The following PTPRD variants were observed in gnomAD, a reference collection of about 807,000 sequenced individuals.
The protein encoded by PTPRD is receptor-type tyrosine-protein phosphatase delta.
PTPRD carries 34 observed loss-of-function variants against 214.5 expected under a neutral mutation model. That is an observed-to-expected ratio of 0.16 (90% CI 0.12 to 0.21). The LOEUF (loss-of-function observed/expected upper bound fraction) is 0.21, where lower values mean the gene tolerates loss of function less well. Ranked by LOEUF, PTPRD falls within the 10% of genes least tolerant of loss-of-function variation. The pLI is 1.00. For missense variants in PTPRD, 2,545 were observed against 2,398.7 expected, an observed-to-expected ratio of 1.06 and a Z score of -1.27; for synonymous variants, 1,128 against 845.7, an observed-to-expected ratio of 1.33 and a Z score of -5.79.
chr9:9,198,241 A>C (rs1413387961), intron 9 of PTPRD, among the ~76,000 whole-genome samples: 1 of 152,098 alleles, frequency 6.6e-6, no homozygotes, highest in Non-Finnish European at 1.5e-5. Flanking sequence ...GGAGATTTTT[A>C]GGCTATAAAC....
intron 2 of PTPRD, among the ~76,000 whole-genome samples, chr9:10,459,636 T>C (rs907434239): frequency 6.6e-6 from 1 of 152,208 alleles, no homozygotes; most frequent in Non-Finnish European, 1.5e-5. Context: ...TTGATTTGCA[T>C]TTCTCTAACG....
intron 12 of PTPRD, among the ~76,000 whole-genome samples, chr9:8,703,490 C>G (rs2098134211): frequency 1.3e-5 from 2 of 152,278 alleles, no homozygotes; most frequent in East Asian, 1.9e-4. Context: ...ATGTTCAGAT[C>G]CATCAACAGC....
chr9:10,034,406 ACTTTTTTT>A (rs56905187), intron 3 of PTPRD, among the ~76,000 whole-genome samples: 13,057 of 103,226 alleles, frequency 0.13, 633 homozygotes, highest in African/African-American at 0.14. Context: ...TCCTGGCTCT[ACTTTTTTT>A]TTTTTTTTTT....
rs184526613 is a variant in PTPRD at position 10,161,712 on chromosome 9, A to G, written c.-544-127922T>C. On this transcript the variant is annotated intron_variant, in intron 3 of 45. Coordinates refer to ENST00000381196, the MANE Select transcript of PTPRD (RefSeq NM_002839.4). ...AGCTGAATGGGATTATATCAAGCTA[A>G]AAACCTTTTGCACAAAAAAGGAAAC... Among the ~76,000 whole-genome samples the G allele has an allele frequency of 7.2e-5, 11 of 151,912 alleles. No homozygotes were observed. The East Asian group carries it at 1.5e-3, about 21-fold the overall frequency.
chr9:9,364,818 G>A (rs1308595738), intron 9 of PTPRD, among the ~76,000 whole-genome samples: 2 of 151,356 alleles, frequency 1.3e-5, no homozygotes, highest in African/African-American at 2.4e-5. Flanking sequence ...ACTTCATTTC[G>A]GAAGGTTCAG....
chr9:8,931,233 T>G (rs1041897070), intron 11 of PTPRD, among the ~76,000 whole-genome samples: 8 of 152,022 alleles, frequency 5.3e-5, no homozygotes, highest in Admixed American at 2.6e-4. Flanking sequence ...TTTCCCCATT[T>G]CTTGTTTTTG....
At chr9:8,827,459 T>G (rs888125451) in intron 11 of PTPRD, among the ~76,000 whole-genome samples, 1 of 151,852 alleles carries the variant, frequency 6.6e-6, no homozygotes, top group Non-Finnish European at 1.5e-5. Context: ...ATACAAAAAT[T>G]AGCCAGGTAT....
At chr9:10,338,754 C>T (rs558993719) in intron 3 of PTPRD, among the ~76,000 whole-genome samples, 1 of 151,564 alleles carries the variant, frequency 6.6e-6, no homozygotes, top group Non-Finnish European at 1.5e-5. Context: ...AAAGGCATTG[C>T]TTTTGAGAGA....
At chr9:10,482,103 G>A (rs573152617) in intron 2 of PTPRD, among the ~76,000 whole-genome samples, 2 of 152,280 alleles carry the variant, frequency 1.3e-5, no homozygotes, top group East Asian at 1.9e-4. Context: ...CGGGCGCGGT[G>A]GCTCACGCCT....
At chr9:10,060,682 T>C (rs1385293032) in intron 3 of PTPRD, among the ~76,000 whole-genome samples, 2 of 144,082 alleles carry the variant, frequency 1.4e-5, no homozygotes, top group African/African-American at 5.9e-5. Context: ...TTATCTTATG[T>C]TTTATAGGTT....
intron 7 of PTPRD, among the ~76,000 whole-genome samples, chr9:9,731,286 C>G (rs948994351): frequency 6.6e-6 from 1 of 151,940 alleles, no homozygotes; most frequent in Admixed American, 6.6e-5. Context: ...CAATAGTACT[C>G]TGGTTTTAAT....
chr9:10,428,777 G>T (rs555226850), intron 2 of PTPRD, among the ~76,000 whole-genome samples: 5 of 152,052 alleles, frequency 3.3e-5, no homozygotes, highest in African/African-American at 7.2e-5. Context: ...GACTGTATTT[G>T]TGAGGGGAAT....
At chr9:10,488,236 G>A (rs376454034) in intron 2 of PTPRD, among the ~76,000 whole-genome samples, 493 of 151,750 alleles carry the variant, frequency 3.2e-3, no homozygotes, top group Non-Finnish European at 4.8e-3. Context: ...GCGCGGTGGC[G>A]GGCGCCTGTA....
At chr9:9,605,819 G>C (rs1249355411) in intron 7 of PTPRD, among the ~76,000 whole-genome samples, 1 of 152,052 alleles carries the variant, frequency 6.6e-6, no homozygotes, top group Non-Finnish European at 1.5e-5. Context: ...TCTTGGATTA[G>C]TTGTAAGAAT....
intron 2 of PTPRD, among the ~76,000 whole-genome samples, chr9:10,426,489 G>A (rs1422870556): frequency 6.6e-6 from 1 of 151,922 alleles, no homozygotes; most frequent in Admixed American, 6.6e-5. Flanking sequence ...CAGGGTTTTT[G>A]CTATGAAAAC....
At chr9:9,236,771 C>T (rs1160870143) in intron 9 of PTPRD, among the ~76,000 whole-genome samples, 1 of 151,790 alleles carries the variant, frequency 6.6e-6, no homozygotes, top group Non-Finnish European at 1.5e-5. Flanking sequence ...GTGCAGGCAG[C>T]CAACCATAAG....
At chr9:9,189,065 T>C (rs765816152) in intron 9 of PTPRD, among the ~76,000 whole-genome samples, 1 of 152,044 alleles carries the variant, frequency 6.6e-6, no homozygotes, top group Non-Finnish European at 1.5e-5. Context: ...ATTTTGAACA[T>C]GGTATGTATC....
intron 9 of PTPRD, among the ~76,000 whole-genome samples, chr9:9,239,603 T>C (rs777670413): frequency 6.6e-6 from 1 of 152,156 alleles, no homozygotes; most frequent in Non-Finnish European, 1.5e-5. Context: ...TCTCCTGAAA[T>C]CTTACACACA....
At chr9:10,320,320 G>C (rs1453052475) in intron 3 of PTPRD, among the ~76,000 whole-genome samples, 1 of 151,998 alleles carries the variant, frequency 6.6e-6, no homozygotes, top group Non-Finnish European at 1.5e-5. Flanking sequence ...GGGAAAAAAA[G>C]CTGACTACAT....
Sources: gnomAD v4.1 joint callset for allele counts (sites outside exome capture counted in the v4.1 genomes callset) on GRCh38, gnomAD v4.1.1 for gene constraint, MANE v1.5 for transcripts, NCBI Gene and HGNC (gene_info 2026-07-23, HGNC 2026-07-21) for gene names.